USP39: variants seen among roughly 807,000 people sequenced by gnomAD.
The protein encoded by USP39 is ubiquitin carboxyl-terminal hydrolase 39.
A neutral mutation model predicts 66.4 loss-of-function variants in USP39; 38 were observed. The observed-to-expected ratio is 0.57, with a 90% CI of 0.44 to 0.75. USP39 has a LOEUF of 0.75. USP39 is among the 30% of genes least tolerant of loss of function. USP39 has a pLI of 0.00. For missense variants in USP39, 608 were observed against 714.4 expected, an observed-to-expected ratio of 0.85 and a Z score of 1.70; for synonymous variants, 303 against 274.6, an observed-to-expected ratio of 1.10 and a Z score of -1.02.
chr2:85,616,349 C>G lies in USP39; in HGVS notation c.154C>G (p.Arg52Gly). The G allele has an allele frequency of 6.2e-7, 1 of 1,601,612 alleles. No individual in the cohort carries two copies. The highest frequency in any genetic ancestry group is 8.5e-7 in the Non-Finnish European group (1 of 1,174,452). Reference sequence around the variant, plus strand: ...CCGGGGCAGCCCTGTGCGCGTGAAGCGGGAGTTCGAGCCGGCGAGCGCGCG... The same window carrying G: ...CCGGGGCAGCCCTGTGCGCGTGAAGGGGGAGTTCGAGCCGGCGAGCGCGCG... ...SSRGSPVRVK[R>G]EFEPASAREA... is the part of the protein sequence containing the mutation. The change falls in exon 1 of 13, where the codon CGG (arginine) becomes GGG (glycine). Residue 52 changes from arginine to glycine, a missense_variant. This residue lies in a region of USP39 where 207 missense variants were observed against 145.7 expected (regional missense o/e 1.42). Transcript: ENST00000323701.
intron 6 of USP39, among the ~76,000 whole-genome samples, chr2:85,632,927 C>G (rs747045832): frequency 6.6e-6 from 1 of 151,958 alleles, no homozygotes; most frequent in South Asian, 2.1e-4. Context: ...AGTAGGCATT[C>G]TAGGTAGAGA....
intron 1 of USP39, among the ~76,000 whole-genome samples, 154 bp from the exon 2 acceptor site, chr2:85,619,066 C>T (rs1290790733): frequency 4.6e-5 from 7 of 152,138 alleles, no homozygotes; most frequent in East Asian, 1.9e-4. Context: ...CTACCGCGCC[C>T]GGCTAGTGGA....
Position 85,625,537 on chromosome 2 carries a change from A to G in USP39, c.571-2A>G. On this transcript the variant is annotated splice_acceptor_variant, in intron 4 of 12. Transcript: ENST00000323701. LOFTEE classifies it high-confidence loss of function. ...AACTTAGCATTTTCTTTTGCTTTGCAGTATGTGTTGAAGCCCACTTTCACA... is the reference window on the plus strand; with the variant it reads ...AACTTAGCATTTTCTTTTGCTTTGCGGTATGTGTTGAAGCCCACTTTCACA... 6.2e-7 allele frequency: 1 copy of G among 1,613,808 alleles called. No homozygotes were observed. Among genetic ancestry groups the G allele is most frequent in the Non-Finnish European group, 8.5e-7 (1 of 1,179,758 alleles).
chr2:85,611,954 G>T, upstream of USP39: 5 of 1,561,690 alleles, frequency 3.2e-6, no homozygotes, highest in Non-Finnish European at 1.7e-6. Context: ...TTGCAGCAGT[G>T]CCCCGGCCGG....
At chr2:85,646,365 C>T (rs957723989) in intron 11 of USP39, among the ~76,000 whole-genome samples, 2 of 152,222 alleles carry the variant, frequency 1.3e-5, no homozygotes, top group African/African-American at 4.8e-5. Context: ...TGTGGTTAGG[C>T]AGTACGCCAG....
intron 4 of USP39, among the ~76,000 whole-genome samples, 161 bp from the exon 5 acceptor site, chr2:85,625,378 C>T (rs1161473234): frequency 6.6e-6 from 1 of 152,214 alleles, no homozygotes; most frequent in East Asian, 1.9e-4. Context: ...AGGATCTACT[C>T]CGTGTTACTT....
chr2:85,607,708 A>G (rs1334262877), upstream of USP39: 2 of 152,206 alleles, frequency 1.3e-5, no homozygotes, highest in Non-Finnish European at 2.9e-5. Context: ...GCAAGGGCCT[A>G]TGGTTTCAGG....
At chr2:85,627,944 T>G (rs1013912047) in intron 5 of USP39, among the ~76,000 whole-genome samples, 1 of 152,204 alleles carries the variant, frequency 6.6e-6, no homozygotes, top group African/African-American at 2.4e-5. Context: ...ATGTTGCACA[T>G]GTTTTCTGCT....
At chr2:85,607,684 G>A (rs1454340700), upstream of USP39, 1 of 152,202 alleles carries the variant, frequency 6.6e-6, no homozygotes, top group Non-Finnish European at 1.5e-5. Flanking sequence ...CCCGGATGTG[G>A]AGAAACCCCT....
intron 6 of USP39, 61 bp from the exon 7 acceptor site, chr2:85,635,992 G>A: frequency 2.0e-6 from 3 of 1,530,816 alleles, no homozygotes; most frequent in Non-Finnish European, 2.7e-6. Context: ...ACCAGTGCAT[G>A]GTTTAAGTTA....
chr2:85,639,414 C>T (rs1390132052), intron 9 of USP39, 23 bp downstream of exon 9: 2 of 1,587,118 alleles, frequency 1.3e-6, no homozygotes, highest in Non-Finnish European at 1.7e-6. Context: ...CACACCTGCC[C>T]TGCCTATACT....
At chr2:85,639,135 A>G (rs1160037572) in intron 8 of USP39, 68 bp from the exon 9 acceptor site, 6 of 1,441,614 alleles carry the variant, frequency 4.2e-6, no homozygotes, top group South Asian at 2.8e-5. Context: ...GTGGTAAAAC[A>G]TCGGTTCTGT....
rs533368995 is a variant in USP39 at position 85,639,375 on chromosome 2, A to G, written c.1268A>G (p.Asn423Ser). 22 of 1,613,608 alleles carry G rather than the reference A, an allele frequency of 1.4e-5. No homozygotes were observed. The highest frequency in any genetic ancestry group is 1.1e-4 in the East Asian group (5 of 44,866). ...CTCTTCAACATCCTGGCTAAGTTCAATGGCATCACTGAGAAGGTAGCCCAT... is the reference window on the plus strand; with the variant it reads ...CTCTTCAACATCCTGGCTAAGTTCAGTGGCATCACTGAGAAGGTAGCCCAT... The part of the protein sequence containing the change: ...VPLFNILAKF[N>S]GITEKEYKTY... The change falls in exon 9 of 13, where the codon AAT (asparagine) becomes AGT (serine). Residue 423 changes from asparagine (N) to serine (S), a missense_variant. Around this residue, in one of 6 missense-constraint regions of USP39, gnomAD observed 164 missense variants for 250.3 expected, o/e 0.66. Transcript: ENST00000323701.
chr2:85,625,060 T>A (rs1674746019), intron 4 of USP39, among the ~76,000 whole-genome samples: 2 of 152,160 alleles, frequency 1.3e-5, no homozygotes, highest in Non-Finnish European at 1.5e-5. Context: ...CTGTCCAGTC[T>A]GTGACATAAT....
chr2:85,639,548 A>G (rs1676073392), intron 9 of USP39, 157 bp downstream of exon 9: 2 of 662,224 alleles, frequency 3.0e-6, no homozygotes, highest in African/African-American at 1.9e-5. Context: ...TCTACCTCCC[A>G]GTTTCAAGCG....
chr2:85,634,591 G>T (rs1305273614), intron 6 of USP39, among the ~76,000 whole-genome samples: 1 of 152,088 alleles, frequency 6.6e-6, no homozygotes, highest in Non-Finnish European at 1.5e-5. Flanking sequence ...AAAAATCTGG[G>T]TGCCTCACCC....
rs200042218 is a variant in USP39 at position 85,638,341 on chromosome 2, A to AT, written c.1096-854dup. On this transcript the variant is annotated intron_variant, in intron 8 of 12. Transcript: ENST00000323701. ...TCGGCCCACTTTCTTTTTTTAATGG[A>AT]TTTTTTTTCCTTTTTGAGACAAGAT... Among the ~76,000 whole-genome samples, 573 of 149,398 alleles carry AT rather than the reference A, an allele frequency of 3.8e-3. 4 individuals are homozygous for AT. Among genetic ancestry groups the AT allele is most frequent in the African/African-American group, 0.013 (543 of 40,500 alleles).
At chr2:85,634,622 G>A (rs1675619961) in intron 6 of USP39, among the ~76,000 whole-genome samples, 1 of 152,194 alleles carries the variant, frequency 6.6e-6, no homozygotes, top group African/African-American at 2.4e-5. Context: ...GTGACAGCCT[G>A]TTTGTGTGCT....
chr2:85,638,189 T>G (rs1675932128), intron 8 of USP39, among the ~76,000 whole-genome samples: 1 of 151,788 alleles, frequency 6.6e-6, no homozygotes, highest in African/African-American at 2.4e-5. Flanking sequence ...GCCTGGCTAA[T>G]TTTTCTATTT....
Sources: allele counts gnomAD v4.1 joint callset (sites outside exome capture counted in the v4.1 genomes callset), GRCh38; gene constraint gnomAD v4.1.1; regional missense constraint gnomAD v4.1.1; transcripts MANE v1.5; gene names NCBI Gene and HGNC (gene_info 2026-07-23, HGNC 2026-07-21).